Variants in SCAF11 observed in about 807,000 individuals in gnomAD.
SCAF11 encodes protein SCAF11.
A neutral mutation model predicts 140.5 loss-of-function variants in SCAF11; 47 were observed. The observed-to-expected ratio is 0.33, with a 90% CI of 0.26 to 0.43. The LOEUF is 0.43. Among genes scored for constraint, SCAF11 ranks in the 20% least tolerant of loss-of-function variants. The probability of loss-of-function intolerance (pLI) is 1.00; values close to 1 mark genes in which losing one functional copy is unlikely to be tolerated. For missense variants in SCAF11, 1,645 were observed against 1,705.1 expected (o/e 0.96, Z 0.62); for synonymous variants, 557 against 579.4 (o/e 0.96, Z 0.55).
chr12:45,931,722 A>C, intron 9 of SCAF11, 110 bp from the exon 10 acceptor site: 2 of 510,312 alleles, frequency 3.9e-6, no homozygotes, highest in Non-Finnish European at 3.3e-6. Flanking sequence ...TACAGTGCTT[A>C]AATGTTTTTT....
At chr12:45,961,943 C>G (rs1455088156) in intron 2 of SCAF11, 86 bp from the exon 3 acceptor site, 2 of 956,690 alleles carry the variant, frequency 2.1e-6, no homozygotes, top group Non-Finnish European at 3.0e-6. Context: ...ATTAGATACT[C>G]TAAAGGACCC....
intron 4 of SCAF11, among the ~76,000 whole-genome samples, chr12:45,951,158 A>C (rs1945540336): frequency 6.6e-6 from 1 of 152,122 alleles, no homozygotes; most frequent in South Asian, 2.1e-4. Context: ...GGCTAATTTC[A>C]AAATTATTGT....
chr12:45,927,405 T>C lies in SCAF11; in HGVS notation c.2296A>G (p.Lys766Glu). 2 of 1,613,974 alleles carry C rather than the reference T, an allele frequency of 1.2e-6. No homozygotes were observed. The highest frequency in any genetic ancestry group is 1.7e-6 in the Non-Finnish European group (2 of 1,179,992). Residue 766 changes from lysine (K) to glutamate (E), a missense_variant, in exon 11 of 15, where the codon AAG becomes GAG. Lys to Glu is a moderately conservative substitution (Grantham distance 56). Transcript: ENST00000369367. ...NMPSSDLADE[K>E]VETVSQPSES... Reference sequence around the variant, plus strand: ...GATGGTTGAGAAACAGTTTCAACCTTTTCATCCGCAAGATCAGAAGACGGC... The same window carrying C: ...GATGGTTGAGAAACAGTTTCAACCTCTTCATCCGCAAGATCAGAAGACGGC...
chr12:45,943,648 T>C (rs543323257), intron 6 of SCAF11, among the ~76,000 whole-genome samples: 1 of 152,292 alleles, frequency 6.6e-6, no homozygotes, highest in Admixed American at 6.5e-5. Flanking sequence ...GTAACTACCA[T>C]ACCCAGTTCC....
chr12:45,987,792 T>C (rs1946493865), intron 1 of SCAF11, among the ~76,000 whole-genome samples: 1 of 152,308 alleles, frequency 6.6e-6, no homozygotes, highest in Non-Finnish European at 1.5e-5. Flanking sequence ...TTACATGACC[T>C]GACATTTTAT....
At chr12:45,947,530 T>C (rs763228904) in intron 5 of SCAF11, among the ~76,000 whole-genome samples, 3 of 152,250 alleles carry the variant, frequency 2.0e-5, no homozygotes, top group Non-Finnish European at 4.4e-5. Context: ...ATGAAGAATG[T>C]TGTGCTATAC....
At position 45,924,773 on chromosome 12, in the gene SCAF11, T is replaced by C. The variant is rs764509946; in HGVS notation, c.3861A>G (p.Gln1287=). Reference sequence around the variant, plus strand: ...GTTGTGAAGCAATGTAGTTGACTTGTTGGGATGGTGGGGGAGGGGGTGGTG... The same window carrying C: ...GTTGTGAAGCAATGTAGTTGACTTGCTGGGATGGTGGGGGAGGGGGTGGTG... The part of the protein sequence containing the change: ...PPPPPPPPPS[Q]QVNYIASQPD... Residue 1287 remains glutamine (Q), a synonymous_variant, in exon 12 of 15, where the codon CAA becomes CAG. Transcript: ENST00000369367. 11 of 1,611,934 alleles carry C rather than the reference T, an allele frequency of 6.8e-6. No individual in the cohort carries two copies. The South Asian group carries it at 7.7e-5, about 11-fold the overall frequency.
chr12:45,939,061 C>G (rs1192724877), intron 6 of SCAF11, among the ~76,000 whole-genome samples: 1 of 149,972 alleles, frequency 6.7e-6, no homozygotes, highest in East Asian at 1.9e-4. Flanking sequence ...GCTGTCTAAC[C>G]TTTCACTATA....
At chr12:45,983,629 A>C (rs1240953610) in intron 1 of SCAF11, among the ~76,000 whole-genome samples, 1 of 152,082 alleles carries the variant, frequency 6.6e-6, no homozygotes, top group African/African-American at 2.4e-5. Flanking sequence ...AAATGTTATT[A>C]AAAAATTAGG....
chr12:45,966,462 T>C (rs1945950373), intron 1 of SCAF11, among the ~76,000 whole-genome samples: 1 of 151,382 alleles, frequency 6.6e-6, no homozygotes, highest in East Asian at 1.9e-4. Flanking sequence ...ATAAACAAAA[T>C]AGTAAGTAAA....
chr12:45,934,690 T>C (rs1389574146), intron 6 of SCAF11, among the ~76,000 whole-genome samples, 185 bp from the exon 7 acceptor site: 18 of 152,222 alleles, frequency 1.2e-4, no homozygotes. Context: ...GTTAAGCTAT[T>C]ACTACAAGTA....
At chr12:45,942,054 A>G (rs182908183) in intron 6 of SCAF11, among the ~76,000 whole-genome samples, 495 of 152,330 alleles carry the variant, frequency 3.2e-3, no homozygotes, top group African/African-American at 0.011. Flanking sequence ...TCTTAATAAC[A>G]TTCTTTCTCC....
intron 1 of SCAF11, among the ~76,000 whole-genome samples, chr12:45,989,496 T>G (rs1946539535): frequency 1.3e-5 from 2 of 152,220 alleles, no homozygotes; most frequent in Admixed American, 1.3e-4. Context: ...ATTTCAAAAT[T>G]CAACATTTGA....
chr12:45,939,916 C>G (rs1314514316), intron 6 of SCAF11, among the ~76,000 whole-genome samples: 1 of 152,200 alleles, frequency 6.6e-6, no homozygotes, highest in African/African-American at 2.4e-5. Flanking sequence ...TCAATTTGCA[C>G]AATCCCCCAC....
intron 6 of SCAF11, among the ~76,000 whole-genome samples, chr12:45,938,626 TTTTA>T (rs1016277002): frequency 7.4e-4 from 113 of 152,232 alleles, no homozygotes; most frequent in African/African-American, 2.6e-3. Context: ...TAGAACCTTG[TTTTA>T]TTTATGTTAA....
Position 45,926,713 on chromosome 12 carries a change from T to C in SCAF11, c.2988A>G (p.Thr996=), listed in dbSNP as rs752906064. The change falls in exon 11 of 15, where the codon ACA becomes ACG. Residue 996 remains threonine (T), a synonymous_variant. Transcript: ENST00000369367. The part of the protein sequence containing the change: ...KNDPEKQNEN[T]RKEKNDIHLD... ...GATGGATGTCATTTTTTTCTTTTCT[T>C]GTATTTTCATTCTGTTTCTCTGGGT... The C allele has an allele frequency of 1.9e-5, 31 of 1,613,160 alleles. No individual in the cohort carries two copies. The highest frequency in any genetic ancestry group is 2.5e-5 in the Non-Finnish European group (30 of 1,179,918).
intron 6 of SCAF11, among the ~76,000 whole-genome samples, chr12:45,937,514 A>C (rs1353322363): frequency 6.6e-6 from 1 of 152,182 alleles, no homozygotes; most frequent in Non-Finnish European, 1.5e-5. Context: ...GCTGGACACT[A>C]AAATATTGAT....
At chr12:45,965,184 A>T (rs1358856674) in intron 1 of SCAF11, among the ~76,000 whole-genome samples, 3 of 152,194 alleles carry the variant, frequency 2.0e-5, no homozygotes, top group Admixed American at 6.5e-5. Flanking sequence ...ATATAAGTGA[A>T]TTTTTTTAAA....
rs1945394569 is a variant in SCAF11, at chr12:45,945,273, C to T, written c.439G>A (p.Val147Ile). ...CTATGTATCCACTTCAAGTCACAAA[C>T]TTTTGCACTTAATAGATCTTCTCTT... ...IVREDLLSAK[V>I]CDLKWIHRNS... The change falls in exon 6 of 15, where the codon GTT becomes ATT. Residue 147 changes from valine (V) to isoleucine (I), a missense_variant. This residue lies in a region of SCAF11 where 1,582 missense variants were observed against 1,609.2 expected (regional missense o/e 0.98). Coordinates refer to ENST00000369367, the MANE Select transcript of SCAF11 (RefSeq NM_004719.3). 5 of 1,585,384 alleles carry T rather than the reference C, an allele frequency of 3.2e-6. No individual in the cohort carries two copies. In the East Asian group the frequency reaches 1.1e-4, roughly 36 times the overall value.
Sources: gnomAD v4.1 joint callset for allele counts (sites outside exome capture counted in the v4.1 genomes callset) on GRCh38, gnomAD v4.1.1 for gene constraint, gnomAD v4.1.1 regional missense constraint, MANE v1.5 for transcripts, NCBI Gene and HGNC (gene_info 2026-07-23, HGNC 2026-07-21) for gene names.